Variants in EFCAB3 observed in about 807,000 individuals in gnomAD.
The protein encoded by EFCAB3 is EF-hand calcium-binding domain-containing protein 3.
A neutral mutation model predicts 42.2 loss-of-function variants in EFCAB3; 36 were observed. The ratio of observed to expected loss-of-function variants is 0.85; its 90% CI spans 0.65 to 1.13. EFCAB3 has a LOEUF of 1.13. Among genes scored for constraint, EFCAB3 ranks in the 50% most tolerant of loss-of-function variants. The pLI, the probability that EFCAB3 is intolerant of heterozygous loss-of-function variation, is 0.00. For synonymous variants in EFCAB3, 170 were observed against 172.8 expected (o/e 0.98, Z 0.13); for missense variants, 418 against 505.1 (o/e 0.83, Z 1.65).
intron 6 of EFCAB3, chr17:62,397,611 AG>A (rs1287559281): frequency 1.6e-6 from 1 of 606,788 alleles, no homozygotes; most frequent in Non-Finnish European, 3.2e-6. Context: ...GCCATCAGGA[AG>A]TGTGCCAGCA....
Position 62,395,123 on chromosome 17 carries a change from T to G in EFCAB3, c.423T>G (p.Phe141Leu). Residue 141 changes from phenylalanine (F) to leucine (L), a missense_variant, in exon 6 of 10, where the codon TTT becomes TTG. Phe to Leu is a conservative substitution (Grantham distance 22). Coordinates refer to ENST00000305286, the MANE Select transcript of EFCAB3 (RefSeq NM_173503.4). ...CTGGCAACCCAGGAATCCTATTGTT[T>G]GAAATCCTATCAAGGCTTCTAGAGA... ...DLAGNPGILL[F>L]EILSRLLETS... is the part of the protein sequence containing the mutation. 1 of 1,614,138 alleles carries G rather than the reference T, an allele frequency of 6.2e-7. No individual in the cohort carries two copies. The highest frequency in any genetic ancestry group is 1.1e-5 in the South Asian group (1 of 91,084).
intron 3 of EFCAB3, among the ~76,000 whole-genome samples, chr17:62,391,464 C>G (rs1019706441): frequency 2.6e-5 from 4 of 152,080 alleles, no homozygotes; most frequent in Admixed American, 2.6e-4. Flanking sequence ...CAGCTTCTAG[C>G]TATATAAGGG....
At chr17:62,391,774 A>G in intron 3 of EFCAB3, 48 bp from the exon 4 acceptor site, 1 of 1,594,740 alleles carries the variant, frequency 6.3e-7, no homozygotes, top group Non-Finnish European at 8.6e-7. Context: ...TAGTGTATGT[A>G]CTTCTTCTTG....
At chr17:62,397,579 T>G (rs2070361162) in intron 6 of EFCAB3, 3 of 601,476 alleles carry the variant, frequency 5.0e-6, no homozygotes, top group Non-Finnish European at 9.7e-6. Flanking sequence ...AAATAGGGGT[T>G]GAAACCAAAC....
chr17:62,387,917 T>C (rs1013524346), intron 3 of EFCAB3, among the ~76,000 whole-genome samples: 1 of 152,080 alleles, frequency 6.6e-6, no homozygotes, highest in Non-Finnish European at 1.5e-5. Context: ...TGTTAAACCA[T>C]GAACTTGCCA....
chr17:62,399,123 TCA>T (rs1598015955), intron 6 of EFCAB3, among the ~76,000 whole-genome samples: 2 of 152,096 alleles, frequency 1.3e-5, no homozygotes, highest in East Asian at 3.9e-4. Context: ...ATGCTGCAGA[TCA>T]TATCACTCCT....
At chr17:62,391,670 T>A in intron 3 of EFCAB3, 152 bp from the exon 4 acceptor site, 1 of 798,180 alleles carries the variant, frequency 1.3e-6, no homozygotes, top group South Asian at 2.6e-5. Flanking sequence ...GATACTGTCC[T>A]TTATAAGAAA....
chr17:62,402,501 C>T (rs149374281), intron 6 of EFCAB3, among the ~76,000 whole-genome samples: 2,220 of 152,114 alleles, frequency 0.015, 29 homozygotes, highest in African/African-American at 0.029. Flanking sequence ...TAGCATGAAG[C>T]GCTGTTGAAT....
In EFCAB3 at chr17:62,387,525, T is replaced by C. The variant is rs1033589928; in HGVS notation, c.151+109T>C. ...TCAAGGGTTGTCTACACCACCATCA[T>C]TTGAGAGAAAGGAAAAAAAACCTTA... On this transcript the variant is annotated intron_variant, in intron 3 of 9. Transcript: ENST00000305286. The C allele has an allele frequency of 1.4e-5, 12 of 884,862 alleles. No homozygotes were observed. In the African/African-American group the frequency reaches 2.1e-4, roughly 15 times the overall value. 54.8% of individuals were successfully genotyped at this position (884,862 alleles called of 1,614,324 possible).
chr17:62,410,437 TA>T (rs1329413507), intron 8 of EFCAB3, among the ~76,000 whole-genome samples: 1 of 151,854 alleles, frequency 6.6e-6, no homozygotes, highest in Non-Finnish European at 1.5e-5. Context: ...ACCCCACACA[TA>T]GACTCCCTAT....
At chr17:62,373,296 T>C (rs1806890) in intron 1 of EFCAB3, among the ~76,000 whole-genome samples, 14 of 113,544 alleles carry the variant, frequency 1.2e-4, no homozygotes, top group African/African-American at 3.9e-4. Context: ...AAAAAAAAAA[T>C]GTAGAAATAG....
chr17:62,387,947 G>A (rs2070268557), intron 3 of EFCAB3, among the ~76,000 whole-genome samples: 1 of 152,202 alleles, frequency 6.6e-6, no homozygotes, highest in Non-Finnish European at 1.5e-5. Flanking sequence ...GCTCACGCCT[G>A]TAATCTCAGC....
At position 62,383,105 on chromosome 17, in the gene EFCAB3, AG is replaced by A. The variant is rs766014343; in HGVS notation, c.74+53del. 2.2e-5 allele frequency: 33 copies of A among 1,498,036 alleles called. No individual in the cohort carries two copies. The South Asian group carries it at 3.6e-4, about 16-fold the overall frequency. The allele number at this position is 1,498,036 out of a possible 1,614,324, so 92.8% of individuals were successfully genotyped here. ...AAATGTATTATGATAAAGAATTATT[AG>A]TGTTACAGCTCTTTTAGAATTTTGT... On this transcript the variant is annotated intron_variant, in intron 2 of 9. Transcript: ENST00000305286.
chr17:62,396,831 A>T (rs1416752496), intron 6 of EFCAB3, among the ~76,000 whole-genome samples: 1 of 152,110 alleles, frequency 6.6e-6, no homozygotes, highest in Non-Finnish European at 1.5e-5. Flanking sequence ...GTGAGCTGTG[A>T]TTGTGCCACT....
At chr17:62,386,332 T>C (rs952128456) in intron 2 of EFCAB3, among the ~76,000 whole-genome samples, 1 of 152,192 alleles carries the variant, frequency 6.6e-6, no homozygotes, top group Non-Finnish European at 1.5e-5. Flanking sequence ...GATTTTACTT[T>C]CCTCAATAAA....
chr17:62,377,632 A>C (rs2070161354), upstream of EFCAB3, among the ~76,000 whole-genome samples: 1 of 152,174 alleles, frequency 6.6e-6, no homozygotes, highest in African/African-American at 2.4e-5. Flanking sequence ...TTCCTAAACA[A>C]AGCATTCATG....
exon 1 of EFCAB3, chr17:62,370,273 G>A: frequency 6.4e-7 from 1 of 1,551,622 alleles, no homozygotes; most frequent in South Asian, 1.2e-5. Flanking sequence ...AAGGGATTGA[G>A]CTCACAGAAG....
intron 6 of EFCAB3, among the ~76,000 whole-genome samples, chr17:62,399,243 C>T (rs1351544606): frequency 2.6e-5 from 4 of 151,368 alleles, no homozygotes; most frequent in Admixed American, 2.0e-4. Context: ...TGATGGTTCA[C>T]TGAAGCCTCA....
exon 1 of EFCAB3, chr17:62,370,322 G>A (rs1223463280): frequency 8.4e-6 from 13 of 1,551,516 alleles, no homozygotes; most frequent in Non-Finnish European, 1.1e-5. Context: ...GACATTTAAC[G>A]GTGAGGTGTA....
Sources: gnomAD v4.1 joint callset for allele counts (sites outside exome capture counted in the v4.1 genomes callset) on GRCh38, gnomAD v4.1.1 for gene constraint, MANE v1.5 for transcripts, NCBI Gene and HGNC (gene_info 2026-07-23, HGNC 2026-07-21) for gene names.